The following FAM161A variants were observed in gnomAD, a reference collection of about 807,000 sequenced individuals.
FAM161A encodes the protein protein FAM161A.
FAM161A carries 57 observed loss-of-function variants against 70.9 expected under a neutral mutation model. The ratio of observed to expected loss-of-function variants is 0.80; its 90% CI spans 0.65 to 1.00. The LOEUF (loss-of-function observed/expected upper bound fraction) is 1.00, where lower values mean the gene tolerates loss of function less well. Among genes scored for constraint, FAM161A ranks in the 50% least tolerant of loss-of-function variants. The pLI is 0.00. For synonymous variants in FAM161A, 299 were observed against 295.7 expected (o/e 1.01, Z -0.12); for missense variants, 880 against 836.0 (o/e 1.05, Z -0.65).
chr2:61,834,293 C>T (rs1558478887), intron 5 of FAM161A, among the ~76,000 whole-genome samples: 1 of 151,968 alleles, frequency 6.6e-6, no homozygotes, highest in African/African-American at 2.4e-5. Flanking sequence ...CAAGTGGGAA[C>T]TAAACACTGG....
the FAM161A span, among the ~76,000 whole-genome samples, chr2:61,811,353 G>T: frequency 6.6e-6 from 1 of 151,786 alleles, no homozygotes; most frequent in Admixed American, 6.6e-5. Context: ...ATGCGCCGCC[G>T]CACCTGGCTA....
Position 61,825,643 on chromosome 2 carries a change from T to TA in FAM161A, c.*811_*812insT. The TA allele has an allele frequency of 2.4e-6, 1 of 418,416 alleles. No homozygotes were observed. The highest frequency in any genetic ancestry group is 1.8e-5 in the South Asian group (1 of 56,606). The allele number at this position is 418,416 out of a possible 1,614,324, so 25.9% of individuals were successfully genotyped here. A position where few individuals can be genotyped will look rare whatever the true frequency, so the allele number is the denominator to read the frequency against. ...AAGTATCCATTTTTTTCTATACTTTTTTTTTTTTTTTGGAGACGGAGTCTC... is the reference window on the plus strand; with the variant it reads ...AAGTATCCATTTTTTTCTATACTTTTATTTTTTTTTTTGGAGACGGAGTCTC... On this transcript the variant is annotated 3_prime_UTR_variant, in exon 7 of 7. Coordinates refer to ENST00000404929, the MANE Select transcript of FAM161A (RefSeq NM_001201543.2).
At chr2:61,822,526 T>G (rs149431500), downstream of FAM161A, among the ~76,000 whole-genome samples, 1,972 of 152,302 alleles carry the variant, frequency 0.013, 42 homozygotes, top group African/African-American at 0.043. Flanking sequence ...TATACACATA[T>G]GTGATAGTTG....
intron 1 of FAM161A, among the ~76,000 whole-genome samples, chr2:61,848,332 T>C (rs1372110885): frequency 6.6e-6 from 1 of 152,258 alleles, no homozygotes; most frequent in African/African-American, 2.4e-5. Context: ...ACTTTTCAGA[T>C]AAACTGATCT....
chr2:61,802,582 A>G, the FAM161A span, among the ~76,000 whole-genome samples: 1 of 152,220 alleles, frequency 6.6e-6, no homozygotes, highest in Non-Finnish European at 1.5e-5. Context: ...AAATAGAAGT[A>G]AGTGGACTAG....
At chr2:61,830,246 G>C (rs1043773937) in intron 5 of FAM161A, among the ~76,000 whole-genome samples, 1 of 152,168 alleles carries the variant, frequency 6.6e-6, no homozygotes, top group African/African-American at 2.4e-5. Flanking sequence ...TTATGATTCA[G>C]ATAGGAAATA....
Position 61,825,749 on chromosome 2 carries a change from T to C in FAM161A, c.*706A>G, listed in dbSNP as rs888748324. 5 of 412,210 alleles carry C rather than the reference T, an allele frequency of 1.2e-5. No homozygotes were observed. The highest frequency in any genetic ancestry group is 1.9e-5 in the Non-Finnish European group (4 of 210,918). The allele number at this position is 412,210 out of a possible 1,614,324, so 25.5% of individuals were successfully genotyped here. On this transcript the variant is annotated 3_prime_UTR_variant, in exon 7 of 7. Transcript: ENST00000404929. ...GCCTCCTGGGTTCATGCCATTCTCC[T>C]GCCTCTGCCTCCCAAGTAGCTGGGA...
chr2:61,842,788 C>T (rs576252183), intron 1 of FAM161A, among the ~76,000 whole-genome samples: 7 of 152,294 alleles, frequency 4.6e-5, no homozygotes, highest in Non-Finnish European at 8.8e-5. Flanking sequence ...CCTCCAGCTG[C>T]GCTCCTGCAG....
At chr2:61,830,757 C>T (rs560827834) in intron 5 of FAM161A, among the ~76,000 whole-genome samples, 101 of 151,610 alleles carry the variant, frequency 6.7e-4, no homozygotes, top group Non-Finnish European at 1.2e-3. Flanking sequence ...ATCCTCCCCC[C>T]CTCAGTTTCC....
At chr2:61,820,151 C>T (rs888136571), downstream of FAM161A, 29 of 492,926 alleles carry the variant, frequency 5.9e-5, no homozygotes, top group Admixed American at 9.7e-5. Context: ...ACCTTCTGTC[C>T]GTGGCCGCCA....
the FAM161A span, among the ~76,000 whole-genome samples, chr2:61,802,471 A>G: frequency 6.6e-6 from 1 of 152,176 alleles, no homozygotes; most frequent in African/African-American, 2.4e-5. Flanking sequence ...ATCTATTAAA[A>G]CAGGGATGAT....
intron 1 of FAM161A, among the ~76,000 whole-genome samples, chr2:61,852,740 A>G (rs1673539273): frequency 6.6e-6 from 1 of 152,154 alleles, no homozygotes; most frequent in African/African-American, 2.4e-5. Flanking sequence ...CTGTTGGTGA[A>G]AGATTGGTCA....
In FAM161A at chr2:61,838,888, A is replaced by T. The variant is rs201908109; in HGVS notation, c.1584-183T>A. Among the ~76,000 whole-genome samples, 874 of 118,170 alleles carry T rather than the reference A, an allele frequency of 7.4e-3. 3 individuals carry two copies. The highest frequency in any genetic ancestry group is 0.013 in the African/African-American group (439 of 33,574). The allele number at this position is 118,170 out of a possible 152,430, so 77.5% of individuals were successfully genotyped here. On this transcript the variant is annotated intron_variant, in intron 3 of 6. Coordinates refer to ENST00000404929, the MANE Select transcript of FAM161A (RefSeq NM_001201543.2). The stretch of plus-strand genomic sequence containing the variant: ...TATTTATTTATTTATTTATTTATTT[A>T]TTTATTTTTTTTGAGATGGAGTCTC...
intron 1 of FAM161A, among the ~76,000 whole-genome samples, chr2:61,844,866 A>G (rs1183264222): frequency 6.6e-6 from 1 of 152,228 alleles, no homozygotes; most frequent in East Asian, 1.9e-4. Flanking sequence ...GTATGTCACA[A>G]TGTCAGACAC....
the FAM161A span, among the ~76,000 whole-genome samples, chr2:61,816,110 T>G: frequency 6.6e-6 from 1 of 152,074 alleles, no homozygotes; most frequent in African/African-American, 2.4e-5. Context: ...GAGGTAAGCT[T>G]GGATCTTTGG....
At chr2:61,852,613 C>T (rs1673535170) in intron 1 of FAM161A, among the ~76,000 whole-genome samples, 1 of 152,164 alleles carries the variant, frequency 6.6e-6, no homozygotes, top group African/African-American at 2.4e-5. Flanking sequence ...TTGTTGCCTA[C>T]TGAAAATTGT....
chr2:61,819,802 G>A, the FAM161A span, among the ~76,000 whole-genome samples: 227 of 152,106 alleles, frequency 1.5e-3, 3 homozygotes, highest in African/African-American at 5.3e-3. Context: ...TTATTATAGT[G>A]CAACAAGATA....
chr2:61,819,334 C>T, the FAM161A span, among the ~76,000 whole-genome samples: 1 of 152,060 alleles, frequency 6.6e-6, no homozygotes, highest in Non-Finnish European at 1.5e-5. Flanking sequence ...GGTGGTGGCG[C>T]ATGCCTGTAG....
chr2:61,827,028 A>G (rs2105059591), intron 6 of FAM161A, 76 bp downstream of exon 6: 1 of 1,365,554 alleles, frequency 7.3e-7, no homozygotes, highest in Non-Finnish European at 1.0e-6. Flanking sequence ...AAAAATATAC[A>G]TAGTATAAAA....
Sources: gnomAD v4.1 joint callset for allele counts (sites outside exome capture counted in the v4.1 genomes callset) on GRCh38, gnomAD v4.1.1 for gene constraint, MANE v1.5 for transcripts, NCBI Gene and HGNC (gene_info 2026-07-23, HGNC 2026-07-21) for gene names.